The following DENND5A variants were observed in gnomAD, a reference collection of about 807,000 sequenced individuals.
DENND5A encodes DENN domain-containing protein 5A.
A neutral mutation model predicts 140.3 loss-of-function variants in DENND5A; 64 were observed. The observed-to-expected ratio is 0.46, with a 90% CI of 0.37 to 0.56. The LOEUF is 0.56. Among genes scored for constraint, DENND5A ranks in the 20% least tolerant of loss-of-function variants. DENND5A has a pLI of 0.00. For synonymous variants in DENND5A, 605 were observed against 607.7 expected (o/e 1.00, Z 0.07); for missense variants, 1,292 against 1,593.8 (o/e 0.81, Z 3.22).
intron 10 of DENND5A, among the ~76,000 whole-genome samples, chr11:9,166,786 C>T (rs905680307): frequency 2.0e-5 from 3 of 151,754 alleles, no homozygotes; most frequent in East Asian, 1.9e-4. Flanking sequence ...GAGCTGAGAT[C>T]GCGCCACTGC....
At chr11:9,152,294 T>C in intron 13 of DENND5A, 64 bp downstream of exon 13, 1 of 1,226,254 alleles carries the variant, frequency 8.2e-7, no homozygotes, top group East Asian at 2.3e-5. Flanking sequence ...TTCAAAGTGA[T>C]CACGCCAGTG....
intron 5 of DENND5A, 26 bp from the exon 6 acceptor site, chr11:9,181,110 T>G: frequency 6.3e-7 from 1 of 1,596,556 alleles, no homozygotes; most frequent in Non-Finnish European, 8.5e-7. Flanking sequence ...GGATGAGGAG[T>G]ATGAATAACT....
intron 22 of DENND5A, chr11:9,140,367 T>C: frequency 8.8e-6 from 4 of 455,314 alleles, no homozygotes; most frequent in South Asian, 7.0e-5. Context: ...ACTTGAGATC[T>C]GAACCTAGTG....
chr11:9,221,869 T>C (rs1406039110), intron 1 of DENND5A, among the ~76,000 whole-genome samples: 2 of 152,024 alleles, frequency 1.3e-5, no homozygotes, highest in Admixed American at 1.3e-4. Flanking sequence ...GTAATTCTCC[T>C]GACTCAGCCT....
chr11:9,216,896 C>G (rs773745445), intron 1 of DENND5A, among the ~76,000 whole-genome samples: 18 of 151,952 alleles, frequency 1.2e-4, no homozygotes, highest in Non-Finnish European at 2.2e-4. Context: ...ATAAGCCAGG[C>G]ATGGTGGTAT....
At position 9,219,803 on chromosome 11, in the gene DENND5A, T is replaced by C. The variant is rs549406522; in HGVS notation, c.110-12171A>G. 4.6e-5 allele frequency among the ~76,000 whole-genome samples: 7 copies of C among 152,368 alleles called. No homozygotes were observed. The East Asian group carries it at 1.3e-3, about 29-fold the overall frequency. On this transcript the variant is annotated intron_variant, in intron 1 of 22. Transcript: ENST00000328194. ...TACTTTAAGCCACTGCTTTAAGGTG[T>C]CCATTACAGGTCTTGCACAAGGGAC...
chr11:9,251,008 A>G (rs1224665227), intron 1 of DENND5A, among the ~76,000 whole-genome samples: 1 of 151,844 alleles, frequency 6.6e-6, no homozygotes, highest in East Asian at 1.9e-4. Context: ...GGTGGCAGGC[A>G]CCTGTAATTC....
In DENND5A at chr11:9,144,295, G is replaced by A. The variant is rs777776226; in HGVS notation, c.3123-17C>T. On this transcript the variant is annotated splice_polypyrimidine_tract_variant and intron_variant, in intron 18 of 22. Coordinates refer to ENST00000328194, the MANE Select transcript of DENND5A (RefSeq NM_015213.4). ...CACGGGAACCTGAAGATCAGACAAT[G>A]GACTGTCAGAGCAGCCAGCTCCTCC... is the stretch of plus-strand genomic sequence containing the variant. The A allele has an allele frequency of 6.2e-7, 1 of 1,612,890 alleles. No individual in the cohort carries two copies. The highest frequency in any genetic ancestry group is 1.1e-5 in the South Asian group (1 of 91,006).
chr11:9,142,316 T>C (rs1847272887), intron 21 of DENND5A, among the ~76,000 whole-genome samples: 1 of 152,216 alleles, frequency 6.6e-6, no homozygotes, highest in Non-Finnish European at 1.5e-5. Context: ...GCCCTTGATA[T>C]AAAGATGTTC....
intron 10 of DENND5A, 40 bp from the exon 11 acceptor site, chr11:9,166,007 T>C (rs745608578): frequency 6.2e-7 from 1 of 1,608,602 alleles, no homozygotes; most frequent in Non-Finnish European, 8.5e-7. Context: ...TGTGTCCATG[T>C]ACATAAACCA....
chr11:9,142,401 C>T (rs7395151), intron 21 of DENND5A, among the ~76,000 whole-genome samples: 71,581 of 152,094 alleles, frequency 0.47, 18,158 homozygotes, highest in African/African-American at 0.65. Flanking sequence ...GGGTGCAACA[C>T]AGGGCTTGGG....
At chr11:9,231,760 C>A (rs1267081276) in intron 1 of DENND5A, among the ~76,000 whole-genome samples, 1 of 148,020 alleles carries the variant, frequency 6.8e-6, no homozygotes, top group African/African-American at 2.5e-5. Context: ...GTTAGTTTAC[C>A]CTCAGTAACA....
intron 8 of DENND5A, among the ~76,000 whole-genome samples, chr11:9,172,982 A>T (rs1848421945): frequency 6.9e-6 from 1 of 145,660 alleles, no homozygotes; most frequent in South Asian, 2.2e-4. Context: ...TGCCTGGCTA[A>T]TTTTTTTTTT....
intron 5 of DENND5A, among the ~76,000 whole-genome samples, chr11:9,191,382 C>T (rs955207242): frequency 8.5e-5 from 13 of 152,134 alleles, no homozygotes; most frequent in East Asian, 5.8e-4. Context: ...GGACTACAGG[C>T]GTGCACCACC....
intron 1 of DENND5A, among the ~76,000 whole-genome samples, chr11:9,240,417 A>G (rs560939317): frequency 1.3e-5 from 2 of 151,850 alleles, no homozygotes; most frequent in Admixed American, 6.6e-5. Flanking sequence ...AAACAAACAA[A>G]AACTGATCCT....
intron 1 of DENND5A, among the ~76,000 whole-genome samples, chr11:9,261,902 C>T (rs7936622): frequency 0.21 from 31,312 of 151,810 alleles, 3,388 homozygotes; most frequent in African/African-American, 0.25. Context: ...GGCCACCTAT[C>T]GGAAATGTGG....
chr11:9,203,614 A>G (rs550479613), intron 4 of DENND5A, 46 bp downstream of exon 4: 1 of 1,559,644 alleles, frequency 6.4e-7, no homozygotes, highest in East Asian at 2.2e-5. Flanking sequence ...CATGGAAAGC[A>G]AAGAAGCCTG....
chr11:9,141,316 A>G (rs1847230927), intron 22 of DENND5A, among the ~76,000 whole-genome samples: 1 of 152,174 alleles, frequency 6.6e-6, no homozygotes, highest in South Asian at 2.1e-4. Context: ...CCCGAGTTAC[A>G]TACACGTTGT....
chr11:9,196,740 A>G (rs1269132150), intron 4 of DENND5A, among the ~76,000 whole-genome samples: 1 of 151,990 alleles, frequency 6.6e-6, no homozygotes, highest in East Asian at 1.9e-4. Context: ...CCTCTGGAGT[A>G]GCTGGGATTA....
Sources: allele counts gnomAD v4.1 joint callset (sites outside exome capture counted in the v4.1 genomes callset), GRCh38; gene constraint gnomAD v4.1.1; transcripts MANE v1.5; gene names NCBI Gene and HGNC (gene_info 2026-07-23, HGNC 2026-07-21).